CAMK1D: variants seen among roughly 807,000 people sequenced by gnomAD.
CAMK1D encodes calcium/calmodulin-dependent protein kinase type 1D.
A neutral mutation model predicts 47.7 loss-of-function variants in CAMK1D; 9 were observed. The observed-to-expected ratio is 0.19, with a 90% CI of 0.11 to 0.33. The LOEUF (loss-of-function observed/expected upper bound fraction) is 0.33. Among genes scored for constraint, CAMK1D ranks in the 10% least tolerant of loss-of-function variants. The probability of loss-of-function intolerance (pLI) is 1.00; values close to 1 mark genes in which losing one functional copy is unlikely to be tolerated. For missense variants in CAMK1D, 291 were observed against 488.7 expected (o/e 0.60, Z 3.81); for synonymous variants, 184 against 184.9 (o/e 0.99, Z 0.04).
intron 2 of CAMK1D, among the ~76,000 whole-genome samples, chr10:12,590,873 A>G (rs1837975426): frequency 6.6e-6 from 1 of 152,190 alleles, no homozygotes; most frequent in African/African-American, 2.4e-5. Flanking sequence ...TGACACATGA[A>G]CCAGCCACCC....
chr10:12,582,114 CA>C (rs1435018200), intron 2 of CAMK1D, among the ~76,000 whole-genome samples: 1 of 152,118 alleles, frequency 6.6e-6, no homozygotes, highest in African/African-American at 2.4e-5. Context: ...TGTGGCTAAC[CA>C]ATTATCCTAG....
intron 3 of CAMK1D, among the ~76,000 whole-genome samples, chr10:12,727,577 A>G (rs1353799479): frequency 6.6e-6 from 1 of 152,200 alleles, no homozygotes; most frequent in African/African-American, 2.4e-5. Flanking sequence ...TTCTGGGCAC[A>G]ATCTTTCATA....
intron 2 of CAMK1D, among the ~76,000 whole-genome samples, chr10:12,658,855 T>C (rs1416757148): frequency 6.6e-6 from 1 of 152,126 alleles, no homozygotes; most frequent in African/African-American, 2.4e-5. Context: ...AACTTTGCAC[T>C]CATTCTCCAA....
At chr10:12,480,346 A>T (rs1185263089) in intron 1 of CAMK1D, among the ~76,000 whole-genome samples, 5 of 152,032 alleles carry the variant, frequency 3.3e-5, no homozygotes, top group Non-Finnish European at 7.4e-5. Context: ...GAGGCAGGAG[A>T]ATCACTGGAA....
Position 12,409,808 on chromosome 10 carries a change from A to G in CAMK1D, c.92+59898A>G, listed in dbSNP as rs376487584. On this transcript the variant is annotated intron_variant, in intron 1 of 10. Coordinates refer to ENST00000619168, the MANE Select transcript of CAMK1D (RefSeq NM_153498.4). The stretch of plus-strand genomic sequence containing the variant: ...ATAATCTCCACTTTCTGTTTTCAAA[A>G]TTTTTTCATCATCCCAAACAGAAAC... Among the ~76,000 whole-genome samples, 164 of 152,170 alleles carry G rather than the reference A, an allele frequency of 1.1e-3. 1 individual carries two copies. The highest frequency in any genetic ancestry group is 3.7e-3 in the African/African-American group (155 of 41,512).
intron 2 of CAMK1D, among the ~76,000 whole-genome samples, chr10:12,603,603 G>T (rs1310591761): frequency 6.6e-6 from 1 of 152,142 alleles, no homozygotes; most frequent in Non-Finnish European, 1.5e-5. Context: ...ACGGCTCCAG[G>T]ACAGCCATGA....
intron 1 of CAMK1D, among the ~76,000 whole-genome samples, chr10:12,403,175 C>A (rs1403566325): frequency 1.3e-5 from 2 of 152,184 alleles, no homozygotes; most frequent in Non-Finnish European, 2.9e-5. Context: ...ATCTGAGGAC[C>A]ACGTTGGACA....
At chr10:12,454,926 C>T (rs1002633863) in intron 1 of CAMK1D, among the ~76,000 whole-genome samples, 19 of 152,190 alleles carry the variant, frequency 1.2e-4, no homozygotes, top group Admixed American at 1.2e-3. Context: ...AAGTTTCATA[C>T]CAAATTCACA....
intron 1 of CAMK1D, among the ~76,000 whole-genome samples, chr10:12,513,509 G>A (rs1163926919): frequency 3.9e-5 from 6 of 152,096 alleles, no homozygotes; most frequent in South Asian, 2.1e-4. Context: ...TAATTAGGCC[G>A]GGCGTGGTGA....
intron 4 of CAMK1D, among the ~76,000 whole-genome samples, chr10:12,769,091 C>T (rs577899433): frequency 6.6e-6 from 1 of 152,312 alleles, no homozygotes; most frequent in South Asian, 2.1e-4. Context: ...CTTAAGGGTA[C>T]ATGGCTGGAA....
chr10:12,481,785 G>C (rs912873322), intron 1 of CAMK1D, among the ~76,000 whole-genome samples: 1 of 152,206 alleles, frequency 6.6e-6, no homozygotes. Flanking sequence ...TGGGATTACA[G>C]GTGTAGGCCA....
At chr10:12,803,906 G>T (rs900063023) in intron 6 of CAMK1D, among the ~76,000 whole-genome samples, 14 of 152,214 alleles carry the variant, frequency 9.2e-5, no homozygotes, top group African/African-American at 2.4e-4. Context: ...TTCAGCTTCT[G>T]ATTTGAGGAC....
intron 9 of CAMK1D, 32 bp from the exon 10 acceptor site, chr10:12,825,541 T>C (rs1417009949): frequency 6.3e-7 from 1 of 1,599,716 alleles, no homozygotes; most frequent in Non-Finnish European, 8.5e-7. Context: ...AGCTGAAATA[T>C]TTGTCTGCTT....
chr10:12,817,695 G>A, intron 8 of CAMK1D, among the ~76,000 whole-genome samples: 1 of 152,034 alleles, frequency 6.6e-6, no homozygotes, highest in South Asian at 2.1e-4. Context: ...CTATTGTTTT[G>A]TTTTGTTTTG....
intron 8 of CAMK1D, among the ~76,000 whole-genome samples, chr10:12,816,569 G>T (rs1435353975): frequency 6.6e-6 from 1 of 151,990 alleles, no homozygotes; most frequent in Admixed American, 6.6e-5. Context: ...TTTTCACGCT[G>T]CTGATAAAGA....
At chr10:12,749,890 G>C (rs915175371) in intron 3 of CAMK1D, among the ~76,000 whole-genome samples, 3 of 152,078 alleles carry the variant, frequency 2.0e-5, no homozygotes, top group African/African-American at 7.2e-5. Context: ...CACTGTGTCC[G>C]GCCAGAAAGT....
At chr10:12,776,314 G>T (rs1238834683) in intron 5 of CAMK1D, among the ~76,000 whole-genome samples, 1 of 152,242 alleles carries the variant, frequency 6.6e-6, no homozygotes. Context: ...CTTTGCTGGA[G>T]GTGGAAGAGC....
intron 1 of CAMK1D, among the ~76,000 whole-genome samples, chr10:12,391,394 T>A (rs1838724915): frequency 6.6e-6 from 1 of 152,214 alleles, no homozygotes; most frequent in African/African-American, 2.4e-5. Flanking sequence ...TCTTAGAAGC[T>A]TATCTTCTAT....
intron 1 of CAMK1D, among the ~76,000 whole-genome samples, chr10:12,354,431 C>CTT (rs1011144147): frequency 1.4e-5 from 2 of 143,050 alleles, no homozygotes; most frequent in Admixed American, 7.0e-5. Flanking sequence ...CTTTTCTTTT[C>CTT]TTTTTTTTTT....
Sources: allele counts gnomAD v4.1 joint callset (sites outside exome capture counted in the v4.1 genomes callset), GRCh38; gene constraint gnomAD v4.1.1; transcripts MANE v1.5; gene names NCBI Gene and HGNC (gene_info 2026-07-23, HGNC 2026-07-21).